Variants in RNASE11 observed in about 807,000 individuals in gnomAD.
The protein encoded by RNASE11 is putative inactive ribonuclease 11.
For missense variants in RNASE11, 252 were observed against 237.8 expected (o/e 1.06, Z -0.39); for synonymous variants, 105 against 86.1 (o/e 1.22, Z -1.21).
upstream of RNASE11, among the ~76,000 whole-genome samples, chr14:20,589,127 T>C: frequency 6.6e-6 from 1 of 150,662 alleles, no homozygotes; most frequent in South Asian, 2.1e-4. Flanking sequence ...GATGAACAAA[T>C]GTTAAAATTT....
chr14:20,584,111 G>A lies in RNASE11; in HGVS notation c.364C>T (p.Arg122Cys), dbSNP rs144501463. 8.9e-4 allele frequency: 1,444 copies of A among 1,614,156 alleles called. 3 individuals are homozygous for A. Among genetic ancestry groups the A allele is most frequent in the Non-Finnish European group, 1.2e-3 (1,369 of 1,180,026 alleles). The change falls in exon 2 of 2, where the codon CGC becomes TGC. Residue 122 changes from arginine to cysteine, a missense_variant. Coordinates refer to ENST00000553849, the Ensembl canonical transcript of RNASE11. Reference sequence around the variant, plus strand: ...CTGCGCATCACTTCTGTGGAGCTGCGGATGAAGTTATTGCTCCACTTGCAC... The same window carrying A: ...CTGCGCATCACTTCTGTGGAGCTGCAGATGAAGTTATTGCTCCACTTGCAC...
intron 1 of RNASE11, among the ~76,000 whole-genome samples, chr14:20,586,296 A>G (rs546017023): frequency 1.3e-5 from 2 of 152,252 alleles, no homozygotes; most frequent in African/African-American, 4.8e-5. Context: ...TGCCTCTTGA[A>G]ATCCTTCAAA....
upstream of RNASE11, chr14:20,588,228 C>T (rs1474585344): frequency 1.3e-5 from 2 of 152,190 alleles, no homozygotes; most frequent in African/African-American, 4.8e-5. Context: ...CCTCACTTTA[C>T]AGACAAGGAA....
chr14:20,585,866 G>T (rs1164893208), intron 1 of RNASE11, among the ~76,000 whole-genome samples: 1 of 152,118 alleles, frequency 6.6e-6, no homozygotes, highest in Non-Finnish European at 1.5e-5. Context: ...CTAAAGAAAG[G>T]TTATTTAAGT....
chr14:20,587,093 C>T (rs1884451176), intron 1 of RNASE11, among the ~76,000 whole-genome samples: 1 of 152,198 alleles, frequency 6.6e-6, no homozygotes, highest in South Asian at 2.1e-4. Flanking sequence ...TCTGAGACTG[C>T]AGTGAGCTGT....
chr14:20,587,766 T>A, upstream of RNASE11: 2 of 985,516 alleles, frequency 2.0e-6, no homozygotes, highest in Non-Finnish European at 2.4e-6. Flanking sequence ...GTCCTTCACT[T>A]ACGATTATCC....
At chr14:20,584,677 A>G (rs1181119662) in intron 1 of RNASE11, among the ~76,000 whole-genome samples, 181 bp from the exon 3 acceptor site, 4 of 152,204 alleles carry the variant, frequency 2.6e-5, no homozygotes, top group African/African-American at 7.2e-5. Flanking sequence ...CTCATGTTCA[A>G]ATTCCTGCTT....
At chr14:20,583,866 C>A in exon 2 of RNASE11, 1 of 1,598,014 alleles carries the variant, frequency 6.3e-7, no homozygotes, top group South Asian at 1.1e-5. Flanking sequence ...TCCTAAAGCT[C>A]TGTGGGATTT....
chr14:20,590,076 A>G (rs1884534170), upstream of RNASE11: 9 of 1,015,834 alleles, frequency 8.9e-6, no homozygotes, highest in Non-Finnish European at 1.2e-5. Flanking sequence ...TGTAGAATTT[A>G]TGGTTTAATT....
chr14:20,587,507 TGCCCAAAAAATGATGCTACCAAG>T, intron 1 of RNASE11, 33 bp downstream of exon 2: 1 of 917,282 alleles, frequency 1.1e-6, no homozygotes. Flanking sequence ...TTCAAAGTTT[TGCCCAAAAAATGATGCTACCAAG>T]GCCCAACAAA....
At chr14:20,589,257 CT>C (rs11283999), upstream of RNASE11, among the ~76,000 whole-genome samples, 46,112 of 136,182 alleles carry the variant, frequency 0.34, 6,864 homozygotes, top group Middle Eastern at 0.4. Flanking sequence ...TCCAAGATTT[CT>C]TTTTTTTTTT....
chr14:20,586,059 A>G (rs17113774), intron 1 of RNASE11, among the ~76,000 whole-genome samples: 6,195 of 152,276 alleles, frequency 0.041, 403 homozygotes, highest in African/African-American at 0.14. Context: ...AACTTGCAAC[A>G]ACACTCAGAA....
chr14:20,587,509 C>A, intron 1 of RNASE11, 54 bp downstream of exon 2: 1 of 937,534 alleles, frequency 1.1e-6, no homozygotes, highest in Non-Finnish European at 1.3e-6. Flanking sequence ...CAAAGTTTTG[C>A]CCAAAAAATG....
chr14:20,588,962 T>G (rs1884497265), upstream of RNASE11, among the ~76,000 whole-genome samples: 1 of 151,932 alleles, frequency 6.6e-6, no homozygotes, highest in African/African-American at 2.4e-5. Flanking sequence ...AACTTTTGTA[T>G]TTTTAGTGGA....
chr14:20,585,217 G>T, intron 1 of RNASE11: 1 of 290,774 alleles, frequency 3.4e-6, no homozygotes. Context: ...AGCTCAGGGA[G>T]AACTGAACAA....
exon 2 of RNASE11, chr14:20,583,950 G>A: frequency 6.2e-7 from 1 of 1,614,154 alleles, no homozygotes; most frequent in Non-Finnish European, 8.5e-7. Context: ...TCTCTAATGA[G>A]GTAACACTAT....
At chr14:20,588,821 C>T (rs1225370125), upstream of RNASE11, among the ~76,000 whole-genome samples, 1 of 152,170 alleles carries the variant, frequency 6.6e-6, no homozygotes, top group South Asian at 2.1e-4. Context: ...GAGTCTTGCT[C>T]TGTTGCCCAG....
At chr14:20,583,656 C>CAG (rs984602359) in exon 2 of RNASE11, 5 of 250,208 alleles carry the variant, frequency 2.0e-5, no homozygotes, top group African/African-American at 1.1e-4. Flanking sequence ...TCCCCCCACA[C>CAG]AGAGAGAGAG....
upstream of RNASE11, chr14:20,587,967 A>AC: frequency 2.6e-6 from 1 of 378,066 alleles, no homozygotes; most frequent in East Asian, 1.6e-4. Context: ...CCTGTGACCC[A>AC]CCCATGCCTG....
Sources: allele counts gnomAD v4.1 joint callset (sites outside exome capture counted in the v4.1 genomes callset), GRCh38; gene constraint gnomAD v4.1.1; transcripts MANE v1.5; gene names NCBI Gene and HGNC (gene_info 2026-07-23, HGNC 2026-07-21).